Variants in BRAF observed in about 807,000 individuals in gnomAD.
BRAF encodes B-Raf proto-oncogene, serine/threonine kinase.
BRAF carries 16 observed loss-of-function variants against 104.6 expected under a neutral mutation model. The ratio of observed to expected loss-of-function variants is 0.15; its 90% CI spans 0.10 to 0.23. BRAF has a LOEUF of 0.23. BRAF is among the 10% of genes least tolerant of loss of function. The probability of loss-of-function intolerance (pLI) is 1.00; values close to 1 mark genes in which losing one functional copy is unlikely to be tolerated. For synonymous variants in BRAF, 310 were observed against 341.6 expected, an observed-to-expected ratio of 0.91 and a Z score of 1.02; for missense variants, 541 against 937.3, an observed-to-expected ratio of 0.58 and a Z score of 5.52.
chr7:140,899,032 A>G (rs1252413359), intron 1 of BRAF, among the ~76,000 whole-genome samples: 1 of 152,168 alleles, frequency 6.6e-6, no homozygotes. Flanking sequence ...TATCTACTGC[A>G]CTACTGAGGA....
chr7:140,795,351 C>T (rs1802394028), intron 7 of BRAF, among the ~76,000 whole-genome samples: 1 of 152,152 alleles, frequency 6.6e-6, no homozygotes, highest in African/African-American at 2.4e-5. Flanking sequence ...AAATGAGTGT[C>T]ACTTGATAGA....
At chr7:140,781,357 A>G in intron 12 of BRAF, 1 of 554,368 alleles carries the variant, frequency 1.8e-6, no homozygotes, top group Non-Finnish European at 3.2e-6. Context: ...CCCTTTAAAA[A>G]TTATTACTGT....
rs537713770 is a variant in BRAF, at chr7:140,726,067, T to A, written c.*427A>T. 1 of 1,079,736 alleles carries A rather than the reference T, an allele frequency of 9.3e-7. No individual in the cohort carries two copies. The highest frequency in any genetic ancestry group is 5.1e-5 in the Admixed American group (1 of 19,778). 66.9% of individuals were successfully genotyped at this position (1,079,736 alleles called of 1,614,324 possible). On this transcript the variant is annotated 3_prime_UTR_variant, in exon 20 of 20. Coordinates refer to ENST00000644969, the MANE Select transcript of BRAF (RefSeq NM_001374258.1). ...AATTCCAGAACAGGAAAGAGAACGA[T>A]GCTTGGTGATTGAAACTGCCCCATC... is the stretch of plus-strand genomic sequence containing the variant.
chr7:140,761,514 A>T (rs1368411373), intron 14 of BRAF, among the ~76,000 whole-genome samples: 1 of 152,134 alleles, frequency 6.6e-6, no homozygotes, highest in East Asian at 1.9e-4. Context: ...TATCATAATG[A>T]CAGGATCAAA....
intron 19 of BRAF, among the ~76,000 whole-genome samples, chr7:140,726,809 A>G (rs531555295): frequency 6.6e-6 from 1 of 152,354 alleles, no homozygotes; most frequent in South Asian, 2.1e-4. Context: ...AATGAACAAA[A>G]TTTCTCAGAA....
chr7:140,884,868 A>G (rs1813376906), intron 1 of BRAF, among the ~76,000 whole-genome samples: 1 of 152,200 alleles, frequency 6.6e-6, no homozygotes, highest in African/African-American at 2.4e-5. Flanking sequence ...TCATTTTAAA[A>G]TGACAAAAAA....
At chr7:140,716,951 A>G (rs1307921526), downstream of BRAF, among the ~76,000 whole-genome samples, 1 of 152,134 alleles carries the variant, frequency 6.6e-6, no homozygotes, top group East Asian at 1.9e-4. Context: ...GTGTCAGGGA[A>G]ATGGGAGCTC....
intron 3 of BRAF, among the ~76,000 whole-genome samples, chr7:140,816,203 T>A (rs1359187841): frequency 6.6e-6 from 1 of 152,204 alleles, no homozygotes; most frequent in East Asian, 1.9e-4. Flanking sequence ...GAAGATTAAA[T>A]GAGTAAGTGA....
At chr7:140,778,971 G>GT (rs1800589165) in intron 12 of BRAF, among the ~76,000 whole-genome samples, 1 of 152,020 alleles carries the variant, frequency 6.6e-6, no homozygotes, top group South Asian at 2.1e-4. Context: ...GCCCCAAACT[G>GT]GAAACGATCC....
At position 140,865,107 on chromosome 7, in the gene BRAF, T is replaced by G. The variant is rs571376088; in HGVS notation, c.139-14895A>C. On this transcript the variant is annotated intron_variant, in intron 1 of 19. Coordinates refer to ENST00000644969, the MANE Select transcript of BRAF (RefSeq NM_001374258.1). Reference sequence around the variant, plus strand: ...TTTTTTTTTTTTTTCTGAGACAGAGTCTCATTCTGTTGCCCAGGCCAGAGA... The same window carrying G: ...TTTTTTTTTTTTTTCTGAGACAGAGGCTCATTCTGTTGCCCAGGCCAGAGA... 2.0e-5 allele frequency among the ~76,000 whole-genome samples: 3 copies of G among 148,626 alleles called. No individual in the cohort carries two copies. In the South Asian group the frequency reaches 6.4e-4, roughly 32 times the overall value.
chr7:140,809,561 T>C (rs1228911487), intron 3 of BRAF, among the ~76,000 whole-genome samples: 1 of 152,206 alleles, frequency 6.6e-6, no homozygotes, highest in East Asian at 1.9e-4. Flanking sequence ...GGGTCACTAC[T>C]TTTATGTCAC....
intron 14 of BRAF, among the ~76,000 whole-genome samples, chr7:140,774,220 T>C (rs1450518982): frequency 6.6e-6 from 1 of 152,210 alleles, no homozygotes; most frequent in Non-Finnish European, 1.5e-5. Context: ...TACTAAAATC[T>C]AGGATAAACT....
intron 15 of BRAF, chr7:140,753,943 A>G: frequency 1.8e-6 from 1 of 554,958 alleles, no homozygotes; most frequent in Non-Finnish European, 3.2e-6. Flanking sequence ...GTAAGCAAGC[A>G]ATCAAAAACT....
rs149577545 is a variant in BRAF at position 140,854,009 on chromosome 7, G to A, written c.139-3797C>T. ...TATTTATTTTTAAAACAGGGTCTCC[G>A]TCTCCCAGGCTGGAGTGCAGTGGCA... On this transcript the variant is annotated intron_variant, in intron 1 of 19. Transcript: ENST00000644969. Among the ~76,000 whole-genome samples, 1,395 of 152,166 alleles carry A rather than the reference G, an allele frequency of 9.2e-3. 29 individuals carry two copies. The highest frequency in any genetic ancestry group is 0.032 in the African/African-American group (1,327 of 41,514).
At chr7:140,845,062 G>A (rs980282523) in intron 2 of BRAF, among the ~76,000 whole-genome samples, 1 of 151,202 alleles carries the variant, frequency 6.6e-6, no homozygotes, top group Non-Finnish European at 1.5e-5. Context: ...ACAGCATAAA[G>A]ACAGACATAT....
chr7:140,777,961 T>G, intron 13 of BRAF, 30 bp downstream of exon 12: 2 of 1,604,510 alleles, frequency 1.2e-6, no homozygotes, highest in South Asian at 2.2e-5. Context: ...AACTTCTTTC[T>G]CTGGAAAAGA....
In BRAF at chr7:140,723,416, C is replaced by T. The variant is rs1795421390; in HGVS notation, c.*3078G>A. The T allele has an allele frequency of 2.8e-6, 3 of 1,054,150 alleles. No homozygotes were observed. The highest frequency in any genetic ancestry group is 4.3e-4 in the Middle Eastern group (1 of 2,338). 65.3% of individuals were successfully genotyped at this position (1,054,150 alleles called of 1,614,324 possible). A position where few individuals can be genotyped will look rare whatever the true frequency, so the allele number is the denominator to read the frequency against. On this transcript the variant is annotated 3_prime_UTR_variant, in exon 20 of 20. Transcript: ENST00000644969. Reference sequence around the variant, plus strand: ...TATGGGATTTTATCTTCTAAAATGCCCCAGTATGCCCTACTAGATCTCAAA... The same window carrying T: ...TATGGGATTTTATCTTCTAAAATGCTCCAGTATGCCCTACTAGATCTCAAA...
intron 14 of BRAF, among the ~76,000 whole-genome samples, chr7:140,760,679 T>C (rs1404406970): frequency 2.0e-5 from 3 of 151,706 alleles, no homozygotes; most frequent in Middle Eastern, 3.2e-3. Flanking sequence ...ATAACCAGTG[T>C]AGAGAAGTGC....
chr7:140,913,489 TTTTTTTTTTTG>T (rs1817238800), intron 1 of BRAF, among the ~76,000 whole-genome samples: 1 of 136,758 alleles, frequency 7.3e-6, no homozygotes, highest in African/African-American at 2.8e-5. Context: ...TTTTTTTTTT[TTTTTTTTTTTG>T]TGAGACAGAG....
Sources: allele counts gnomAD v4.1 joint callset (sites outside exome capture counted in the v4.1 genomes callset), GRCh38; gene constraint gnomAD v4.1.1; transcripts MANE v1.5; gene names NCBI Gene and HGNC (gene_info 2026-07-23, HGNC 2026-07-21).